Variants in F8 observed in about 807,000 individuals in gnomAD.
The protein encoded by F8 is antihemophilic factor.
F8 carries 12 observed loss-of-function variants against 140.6 expected under a neutral mutation model. That is an observed-to-expected ratio of 0.09 (90% CI 0.05 to 0.14). The LOEUF (loss-of-function observed/expected upper bound fraction) is 0.14. F8 is among the 10% of genes least tolerant of loss of function. F8 has a pLI of 1.00. For missense variants in F8, 1,354 were observed against 1,720.7 expected (o/e 0.79, Z 3.77); for synonymous variants, 585 against 614.6 (o/e 0.95, Z 0.71).
intron 14 of F8, among the ~76,000 whole-genome samples, chrX:154,908,525 C>T (rs2073049454): frequency 8.9e-6 from 1 of 112,159 alleles, no homozygotes; most frequent in African/African-American, 3.2e-5. Context: ...ATCTATAAAT[C>T]AGTTTGGGAA....
In F8 at chrX:154,999,691, T is replaced by C. The variant is rs782780901; in HGVS notation, c.144-91A>G. 5 of 1,065,145 alleles carry C rather than the reference T, an allele frequency of 4.7e-6. No individual in the cohort carries two copies. In the South Asian group the frequency reaches 5.6e-5, roughly 12 times the overall value. The allele number at this position is 1,065,145 out of a possible 1,213,427, so 87.8% of individuals were successfully genotyped here. A position where few individuals can be genotyped will look rare whatever the true frequency, so the allele number is the denominator to read the frequency against. The stretch of plus-strand genomic sequence containing the variant: ...CTTCCATACTACTCTTTTCTACTAT[T>C]AGCAAGGAGGCAAATTTGAAGTTGT... On this transcript the variant is annotated intron_variant, in intron 1 of 25. Transcript: ENST00000360256.
At chrX:154,981,404 C>G (rs1258232506) in intron 6 of F8, among the ~76,000 whole-genome samples, 2 of 108,211 alleles carry the variant, frequency 1.8e-5, no homozygotes, top group Admixed American at 1.0e-4. Context: ...TAATCACAAG[C>G]AGGAGATGAA....
chrX:154,871,086 T>C (rs1557273553), intron 22 of F8, among the ~76,000 whole-genome samples: 1 of 112,212 alleles, frequency 8.9e-6, no homozygotes, highest in Non-Finnish European at 1.9e-5. Context: ...TGCTCATGGA[T>C]AGGAAGAATC....
intron 15 of F8, 122 bp from the exon 16 acceptor site, chrX:154,905,145 C>T (rs1277627115): frequency 1.5e-5 from 8 of 540,572 alleles, no homozygotes; most frequent in Non-Finnish European, 2.4e-5. Flanking sequence ...GTTTTTAATA[C>T]CCTGGAAGAA....
intron 14 of F8, among the ~76,000 whole-genome samples, chrX:154,926,563 A>G (rs1557278090): frequency 9.0e-6 from 1 of 110,605 alleles, no homozygotes; most frequent in East Asian, 2.8e-4. Flanking sequence ...TTTAATAGAG[A>G]TGAGGTTTTG....
intron 1 of F8, 144 bp from the exon 2 acceptor site, chrX:154,999,744 G>A (rs781967591): frequency 2.1e-5 from 14 of 671,674 alleles, no homozygotes; most frequent in East Asian, 4.0e-5. Context: ...CCATTAAACC[G>A]AAACACTGTT....
chrX:154,934,744 T>C (rs1394614852), intron 13 of F8, among the ~76,000 whole-genome samples: 1 of 111,594 alleles, frequency 9.0e-6, no homozygotes, highest in Non-Finnish European at 1.9e-5. Context: ...TAAAACTCAC[T>C]CCTAATGCCT....
chrX:154,987,768 C>T (rs1467164048), intron 4 of F8, among the ~76,000 whole-genome samples: 1 of 111,909 alleles, frequency 8.9e-6, no homozygotes, highest in Non-Finnish European at 1.9e-5. Flanking sequence ...ATTATACTCA[C>T]ATTTTAAATA....
intron 25 of F8, among the ~76,000 whole-genome samples, chrX:154,847,598 C>T (rs1474401118): frequency 1.8e-5 from 2 of 112,315 alleles, no homozygotes; most frequent in African/African-American, 3.2e-5. Context: ...CTTATGCATT[C>T]GTCACATAGT....
intron 14 of F8, among the ~76,000 whole-genome samples, chrX:154,917,989 T>C (rs1400716996): frequency 1.8e-5 from 2 of 112,240 alleles, no homozygotes; most frequent in East Asian, 5.5e-4. Flanking sequence ...TTTATGCACA[T>C]ATATCTATGT....
chrX:155,001,763 T>C (rs141897310), intron 1 of F8, among the ~76,000 whole-genome samples: 2,606 of 110,371 alleles, frequency 0.024, 39 homozygotes, highest in Non-Finnish European at 0.035. Context: ...ATAATAATAA[T>C]TAGCCAGGCG....
chrX:154,868,614 G>C (rs2072748995), intron 22 of F8, among the ~76,000 whole-genome samples: 1 of 111,805 alleles, frequency 8.9e-6, no homozygotes, highest in Non-Finnish European at 1.9e-5. Context: ...AAAGAACATT[G>C]ACACTATGAA....
At chrX:154,982,836 A>G (rs1481784411) in intron 6 of F8, among the ~76,000 whole-genome samples, 1 of 112,329 alleles carries the variant, frequency 8.9e-6, no homozygotes, top group Non-Finnish European at 1.9e-5. Context: ...GCCACTAGTG[A>G]TGCTGGAAGT....
At position 154,904,021 on chromosome X, in the gene F8, C is replaced by A; in HGVS notation, c.5883G>T (p.Trp1961Cys). 8.3e-7 allele frequency: 1 copy of A among 1,211,023 alleles called. No homozygotes were observed. Among genetic ancestry groups the A allele is most frequent in the Non-Finnish European group, 1.1e-6 (1 of 894,934 alleles). ...LVMAQDQRIR[W>C]YLLSMGSNEN... ...CATTGCTGCCCATGCTGAGCAGATA[C>A]CATCGAATCCTTTGATCCTGAGCCA... is the stretch of plus-strand genomic sequence containing the variant. The change falls in exon 18 of 26, where the codon TGG becomes TGT. Residue 1961 changes from tryptophan (W) to cysteine (C), a missense_variant. Transcript: ENST00000360256.
chrX:154,854,590 TTGTGTGTGTG>T (rs112995374), intron 25 of F8, among the ~76,000 whole-genome samples: 8 of 100,438 alleles, frequency 8.0e-5, no homozygotes, highest in Non-Finnish European at 1.6e-4. Context: ...AGCTAATTCC[TTGTGTGTGTG>T]TGTGTGTGTG....
chrX:154,957,921 G>A (rs1557281348), intron 10 of F8, among the ~76,000 whole-genome samples: 1 of 110,123 alleles, frequency 9.1e-6, no homozygotes, highest in East Asian at 2.8e-4. Flanking sequence ...AAAGGGAATG[G>A]TGTAGTATGT....
intron 6 of F8, among the ~76,000 whole-genome samples, chrX:154,971,026 C>A (rs1202649030): frequency 9.0e-6 from 1 of 110,556 alleles, no homozygotes; most frequent in Non-Finnish European, 1.9e-5. Flanking sequence ...AGAAAACATC[C>A]CCCTCATACT....
chrX:154,901,548 T>G (rs1557275937), intron 19 of F8, 106 bp from the exon 20 acceptor site: 1 of 591,962 alleles, frequency 1.7e-6, no homozygotes, highest in East Asian at 3.3e-5. Context: ...TATTTTTTAG[T>G]GTTTAAATGT....
chrX:154,847,987 T>C (rs950262273), intron 25 of F8, among the ~76,000 whole-genome samples: 3 of 113,091 alleles, frequency 2.7e-5, no homozygotes, highest in Admixed American at 9.3e-5. Context: ...TTTCTGTTTG[T>C]TAGTTTTCCT....
Sources: allele counts gnomAD v4.1 joint callset (sites outside exome capture counted in the v4.1 genomes callset), GRCh38; gene constraint gnomAD v4.1.1; transcripts MANE v1.5; gene names NCBI Gene and HGNC (gene_info 2026-07-23, HGNC 2026-07-21).